Variants in STK3 observed in about 807,000 individuals in gnomAD.
STK3 encodes serine/threonine kinase 3, also known as serine/threonine-protein kinase 3.
In STK3, 41 loss-of-function variants were observed where a neutral mutation model predicts 58.0. The ratio of observed to expected loss-of-function variants is 0.71; its 90% CI spans 0.55 to 0.92. STK3 has a LOEUF of 0.92. Ranked by LOEUF, STK3 falls within the 40% of genes least tolerant of loss-of-function variation. STK3 has a pLI of 0.00. For synonymous variants in STK3, 170 were observed against 191.0 expected, an observed-to-expected ratio of 0.89 and a Z score of 0.91; for missense variants, 479 against 602.7, an observed-to-expected ratio of 0.79 and a Z score of 2.15.
intron 9 of STK3, among the ~76,000 whole-genome samples, chr8:98,536,014 C>T (rs1285819839): frequency 1.3e-5 from 2 of 152,088 alleles, no homozygotes; most frequent in East Asian, 3.9e-4. Context: ...GCAGACTACT[C>T]CTTGGTGTTG....
chr8:98,867,664 T>G (rs1481376802), intron 3 of STK3, among the ~76,000 whole-genome samples: 1 of 152,098 alleles, frequency 6.6e-6, no homozygotes, highest in Non-Finnish European at 1.5e-5. Context: ...ATGAGCACAG[T>G]CTCTGGAGCT....
intron 3 of STK3, among the ~76,000 whole-genome samples, chr8:98,756,378 C>T (rs919101198): frequency 2.0e-5 from 3 of 152,124 alleles, no homozygotes; most frequent in East Asian, 1.9e-4. Flanking sequence ...GAAAGATTAG[C>T]GGGCCCAGGA....
chr8:98,417,728 T>C (rs1818130975), intron 3 of STK3, among the ~76,000 whole-genome samples: 1 of 152,124 alleles, frequency 6.6e-6, no homozygotes, highest in South Asian at 2.1e-4. Flanking sequence ...CTTATAACAG[T>C]GCCTGGCTTA....
At chr8:98,392,265 T>C (rs1211641851), upstream of STK3, among the ~76,000 whole-genome samples, 1 of 152,194 alleles carries the variant, frequency 6.6e-6, no homozygotes, top group Non-Finnish European at 1.5e-5. Flanking sequence ...AAGGCATAAA[T>C]GAACAAATAG....
At chr8:98,791,137 T>C (rs1158722318) in intron 1 of STK3, among the ~76,000 whole-genome samples, 1 of 152,170 alleles carries the variant, frequency 6.6e-6, no homozygotes, top group East Asian at 1.9e-4. Context: ...AGATACAACA[T>C]TAATGTACAC....
chr8:98,895,101 G>T (rs1436183225), intron 1 of STK3, among the ~76,000 whole-genome samples: 1 of 152,166 alleles, frequency 6.6e-6, no homozygotes, highest in Non-Finnish European at 1.5e-5. Context: ...CATTCTTCAC[G>T]CCTGAGTCTG....
rs1329700862 is a variant in STK3 at position 98,875,459 on chromosome 8, C to T, written c.110+8188G>A. 4.6e-5 allele frequency: 7 copies of T among 152,340 alleles called. No individual in the cohort carries two copies. The East Asian group carries it at 1.3e-3, about 29-fold the overall frequency. 9.4% of individuals were successfully genotyped at this position (152,340 alleles called of 1,614,324 possible). On this transcript the variant is annotated intron_variant, in intron 3 of 12. Coordinates refer to the STK3 transcript ENST00000523601. ...AATTTCAGTTTTTATATGAAAACTT[C>T]TGTTTTTTAAACACAAGCATCTAAT...
intron 7 of STK3, among the ~76,000 whole-genome samples, chr8:98,580,620 T>C (rs1586915221): frequency 6.6e-6 from 1 of 152,300 alleles, no homozygotes; most frequent in Non-Finnish European, 1.5e-5. Context: ...TATTTGTTTA[T>C]TTGTTTGTTT....
intron 3 of STK3, among the ~76,000 whole-genome samples, chr8:98,854,129 ATATT>A (rs542032878): frequency 1.3e-5 from 2 of 151,854 alleles, no homozygotes; most frequent in Admixed American, 6.6e-5. Context: ...AAGTAAAACT[ATATT>A]TATTTATTTA....
intron 3 of STK3, among the ~76,000 whole-genome samples, chr8:98,419,864 T>C (rs1818150939): frequency 6.6e-6 from 1 of 152,166 alleles, no homozygotes; most frequent in Non-Finnish European, 1.5e-5. Flanking sequence ...CATCTTTGTG[T>C]CATTGTCCAT....
intron 3 of STK3, among the ~76,000 whole-genome samples, chr8:98,854,608 T>TA (rs1404274225): frequency 1.3e-5 from 2 of 152,068 alleles, no homozygotes; most frequent in Non-Finnish European, 2.9e-5. Flanking sequence ...AATAAAATTA[T>TA]AAAAAACTCA....
At chr8:98,876,576 A>G (rs187061291) in intron 3 of STK3, among the ~76,000 whole-genome samples, 1 of 152,238 alleles carries the variant, frequency 6.6e-6, no homozygotes, top group Non-Finnish European at 1.5e-5. Flanking sequence ...GTTGGGAAGG[A>G]CCACAGGAAC....
chr8:98,797,407 A>T (rs1325519998), intron 1 of STK3, among the ~76,000 whole-genome samples: 1 of 152,182 alleles, frequency 6.6e-6, no homozygotes, highest in Non-Finnish European at 1.5e-5. Context: ...ATTGGAAGAC[A>T]ATATTTTTAA....
chr8:98,670,969 T>C (rs1352040170), intron 6 of STK3, among the ~76,000 whole-genome samples: 1 of 152,000 alleles, frequency 6.6e-6, no homozygotes, highest in East Asian at 1.9e-4. Context: ...CACACTGGAG[T>C]GCAAGCCAGA....
chr8:98,836,118 T>A (rs1835736960), intron 3 of STK3, among the ~76,000 whole-genome samples: 1 of 152,054 alleles, frequency 6.6e-6, no homozygotes, highest in African/African-American at 2.4e-5. Context: ...GGAGAATCAC[T>A]TGAACCCAGG....
intron 8 of STK3, among the ~76,000 whole-genome samples, chr8:98,574,040 G>A (rs1316822397): frequency 6.6e-6 from 1 of 151,936 alleles, no homozygotes; most frequent in African/African-American, 2.4e-5. Flanking sequence ...CCTCCTACCA[G>A]GTCCCTACCA....
upstream of STK3, among the ~76,000 whole-genome samples, chr8:98,830,185 G>T (rs770573940): frequency 6.6e-6 from 1 of 151,966 alleles, no homozygotes; most frequent in Admixed American, 6.6e-5. Flanking sequence ...CCAAGATTGC[G>T]CCACTGCACC....
intron 4 of STK3, 47 bp downstream of exon 4, chr8:98,749,229 A>G: frequency 7.3e-7 from 1 of 1,363,296 alleles, no homozygotes; most frequent in Non-Finnish European, 1.0e-6. Context: ...ATTCTAAAAT[A>G]TCAATCTTTA....
Position 98,465,149 on chromosome 8 carries a change from T to C in STK3, c.1318-9149A>G, listed in dbSNP as rs371068070. Among the ~76,000 whole-genome samples the C allele has an allele frequency of 4.1e-4, 62 of 152,318 alleles. 1 individual carries two copies. The highest frequency in any genetic ancestry group is 1.4e-3 in the African/African-American group (59 of 41,576). ...TCCTAAGGTCCTGTACACTAAGTCA[T>C]TGAAGCCTAGCAATCACCTTAGGGG... On this transcript the variant is annotated intron_variant, in intron 10 of 10. Coordinates refer to ENST00000419617, the MANE Select transcript of STK3 (RefSeq NM_006281.4).
Sources: allele counts gnomAD v4.1 joint callset (sites outside exome capture counted in the v4.1 genomes callset), GRCh38; gene constraint gnomAD v4.1.1; transcripts MANE v1.5; gene names NCBI Gene and HGNC (gene_info 2026-07-23, HGNC 2026-07-21).